NSL1: variants seen among roughly 807,000 people sequenced by gnomAD.
NSL1 encodes the protein NSL1 component of MIS12 kinetochore complex.
Under a neutral mutation model 25.4 loss-of-function variants are expected in NSL1, and 11 were observed. The observed-to-expected ratio is 0.43, with a 90% confidence interval of 0.27 to 0.72. The LOEUF (loss-of-function observed/expected upper bound fraction) is 0.72, where lower values mean the gene tolerates loss of function less well. Among genes scored for constraint, NSL1 ranks in the 30% least tolerant of loss-of-function variants. The pLI is 0.19. For missense variants in NSL1, 330 were observed against 342.7 expected (o/e 0.96, Z 0.29); for synonymous variants, 118 against 120.6 (o/e 0.98, Z 0.14).
At chr1:212,789,573 T>C (rs1018663072) in intron 1 of NSL1, among the ~76,000 whole-genome samples, 1 of 152,250 alleles carries the variant, frequency 6.6e-6, no homozygotes, top group Non-Finnish European at 1.5e-5. Context: ...AAACATATTG[T>C]CTTTGTAACA....
intron 2 of NSL1, among the ~76,000 whole-genome samples, chr1:212,786,773 A>G (rs745721044): frequency 6.6e-5 from 10 of 152,150 alleles, no homozygotes; most frequent in Non-Finnish European, 1.3e-4. Flanking sequence ...GCGCCACTGC[A>G]CTCCAGCCTA....
chr1:212,782,253 G>C, intron 4 of NSL1, 119 bp downstream of exon 4: 1 of 756,386 alleles, frequency 1.3e-6, no homozygotes, highest in South Asian at 1.5e-5. Context: ...ATGACTGGTA[G>C]GAAGTTAAAG....
rs1657939546 is a variant in NSL1, at chr1:212,729,862, T to A, written c.*8546A>T. 1 of 985,210 alleles carries A rather than the reference T, an allele frequency of 1.0e-6. No individual in the cohort carries two copies. The allele number at this position is 985,210 out of a possible 1,614,324, so 61.0% of individuals were successfully genotyped here. On this transcript the variant is annotated 3_prime_UTR_variant, in exon 6 of 6. Coordinates refer to ENST00000366977, the MANE Select transcript of NSL1 (RefSeq NM_015471.4). The stretch of plus-strand genomic sequence containing the variant: ...GGCAGTGATGTGTGGACGAAGGGGT[T>A]GCTGGGGTGACCCAGGCAGCAAGGA...
rs1657819618 is a variant in NSL1, at chr1:212,727,074, T to C, written c.*11334A>G. ...GAGGGCGGGCTCTGGGTCACCCAGC[T>C]TCATCCTCTTCATCTTGCCAGTTCA... is the stretch of plus-strand genomic sequence containing the variant. On this transcript the variant is annotated 3_prime_UTR_variant, in exon 6 of 6. Transcript: ENST00000366977. 5.4e-6 allele frequency: 8 copies of C among 1,477,006 alleles called. No individual in the cohort carries two copies. Among genetic ancestry groups the C allele is most frequent in the Non-Finnish European group, 7.2e-6 (8 of 1,111,428 alleles). 91.5% of individuals were successfully genotyped at this position (1,477,006 alleles called of 1,614,324 possible). A position where few individuals can be genotyped will look rare whatever the true frequency, so the allele number is the denominator to read the frequency against.
chr1:212,791,048 G>A (rs918977588), intron 1 of NSL1, among the ~76,000 whole-genome samples: 2 of 152,168 alleles, frequency 1.3e-5, no homozygotes, highest in African/African-American at 4.8e-5. Flanking sequence ...ATTGTCTGCG[G>A]CTGCATTGTC....
intron 4 of NSL1, among the ~76,000 whole-genome samples, chr1:212,781,107 A>T (rs894260924): frequency 3.9e-5 from 6 of 152,218 alleles, no homozygotes; most frequent in Admixed American, 2.6e-4. Flanking sequence ...TGCATAATGA[A>T]AAAACTCAAA....
Position 212,738,333 on chromosome 1 carries a change from A to T in NSL1, c.*75T>A. The T allele has an allele frequency of 6.5e-7, 1 of 1,528,800 alleles. No homozygotes were observed. The highest frequency in any genetic ancestry group is 8.7e-7 in the Non-Finnish European group (1 of 1,144,648). The allele number at this position is 1,528,800 out of a possible 1,614,324, so 94.7% of individuals were successfully genotyped here. On this transcript the variant is annotated 3_prime_UTR_variant, in exon 6 of 6. Transcript: ENST00000366977. ...TATTTCTTATTTCAAATGAAGTCTTATCTAGGTATTAATTAGGCTGTAATC... is the reference window on the plus strand; with the variant it reads ...TATTTCTTATTTCAAATGAAGTCTTTTCTAGGTATTAATTAGGCTGTAATC...
chr1:212,773,851 C>T lies in NSL1; in HGVS notation c.499+8521G>A, dbSNP rs553407360. Reference sequence around the variant, plus strand: ...TGTATATACACAATGGAATACTATTCCATCATAAAAAAGAAAATCCGGTCA... The same window carrying T: ...TGTATATACACAATGGAATACTATTTCATCATAAAAAAGAAAATCCGGTCA... On this transcript the variant is annotated intron_variant, in intron 4 of 5. Coordinates refer to ENST00000366977, the MANE Select transcript of NSL1 (RefSeq NM_015471.4). Among the ~76,000 whole-genome samples the T allele has an allele frequency of 6.6e-5, 10 of 151,966 alleles. No individual in the cohort carries two copies. The South Asian group carries it at 1.5e-3, about 22-fold the overall frequency.
At chr1:212,787,972 A>G (rs1198061793) in intron 1 of NSL1, among the ~76,000 whole-genome samples, 2 of 152,248 alleles carry the variant, frequency 1.3e-5, no homozygotes, top group Non-Finnish European at 2.9e-5. Context: ...TATAAGTACT[A>G]TATATGCTGC....
chr1:212,781,138 C>G (rs1042936147), intron 4 of NSL1, among the ~76,000 whole-genome samples: 5 of 152,158 alleles, frequency 3.3e-5, no homozygotes, highest in African/African-American at 7.2e-5. Context: ...AAGACAGATT[C>G]TAATTCTTTT....
Position 212,776,164 on chromosome 1 carries a change from G to C in NSL1, c.499+6208C>G, listed in dbSNP as rs1205952246. On this transcript the variant is annotated intron_variant, in intron 4 of 5. Transcript: ENST00000366977. The stretch of plus-strand genomic sequence containing the variant: ...AGGAAAATTGAGGTCAGGAGTTCAA[G>C]ACCAGCCTGACCAACATGGTGAATC... 4.6e-5 allele frequency among the ~76,000 whole-genome samples: 7 copies of C among 152,220 alleles called. No homozygotes were observed. The East Asian group carries it at 1.4e-3, about 29-fold the overall frequency.
Position 212,728,129 on chromosome 1 carries a change from C to T in NSL1, c.*10279G>A. On this transcript the variant is annotated 3_prime_UTR_variant, in exon 6 of 6. Coordinates refer to ENST00000366977, the MANE Select transcript of NSL1 (RefSeq NM_015471.4). ...ATGGGCGTGGTAATAGCCCTTAATTCATGGATTGTCTTGAGGATTAAAAGA... is the reference window on the plus strand; with the variant it reads ...ATGGGCGTGGTAATAGCCCTTAATTTATGGATTGTCTTGAGGATTAAAAGA... 2 of 964,096 alleles carry T rather than the reference C, an allele frequency of 2.1e-6. No homozygotes were observed. The highest frequency in any genetic ancestry group is 2.5e-6 in the Non-Finnish European group (2 of 810,648). 59.7% of individuals were successfully genotyped at this position (964,096 alleles called of 1,614,324 possible).
chr1:212,743,730 A>T (rs1383463783), intron 4 of NSL1, among the ~76,000 whole-genome samples: 1 of 152,156 alleles, frequency 6.6e-6, no homozygotes, highest in East Asian at 1.9e-4. Context: ...AAAATCTGGA[A>T]AACAGTCAAG....
In NSL1 at chr1:212,787,570, T is replaced by C. The variant is rs1270246141; in HGVS notation, c.302A>G (p.Asn101Ser). 1 of 1,602,956 alleles carries C rather than the reference T, an allele frequency of 6.2e-7. No homozygotes were observed. The highest frequency in any genetic ancestry group is 1.1e-5 in the South Asian group (1 of 88,538). Residue 101 changes from asparagine (N) to serine (S), a missense_variant, in exon 2 of 6, where the codon AAT (asparagine) becomes AGT (serine). Asn to Ser is a conservative substitution (Grantham distance 46). Coordinates refer to ENST00000366977, the MANE Select transcript of NSL1 (RefSeq NM_015471.4). ...NGQAWQEASD[N>S]CFMDSDIKVL... is the part of the protein sequence containing the mutation. ...AAAAAGTCACATACCCATAAAACAA[T>C]TATCTGAAGCTTCCTGCCATGCTTG...
rs1659527336 is a variant in NSL1, at chr1:212,760,752, G to C, written c.500-21151C>G. ...GCCTGCCCATCCCATTGCTGTCACT[G>C]CTGGTACCTGAGCAAGCCACCTGGA... On this transcript the variant is annotated intron_variant, in intron 4 of 5. Transcript: ENST00000366977. This position sits in a 1 kb window ranked among gnomAD's most constrained non-coding sequence, Gnocchi z 4.3. 6.6e-6 allele frequency among the ~76,000 whole-genome samples: 1 copy of C among 152,104 alleles called. No homozygotes were observed. The highest frequency in any genetic ancestry group is 6.5e-5 in the Admixed American group (1 of 15,280).
intron 4 of NSL1, among the ~76,000 whole-genome samples, chr1:212,744,296 G>A (rs1235899053): frequency 1.3e-5 from 2 of 152,194 alleles, no homozygotes; most frequent in African/African-American, 4.8e-5. Flanking sequence ...GGAGACTTCA[G>A]TGACTACAAA....
In NSL1 at chr1:212,736,957, G is replaced by A; in HGVS notation, c.*1451C>T. ...AGAATTAACAATAACTCTTTTGTTT[G>A]GGGACCTCTGAAGTGAAACAAATCA... is the stretch of plus-strand genomic sequence containing the variant. On this transcript the variant is annotated 3_prime_UTR_variant, in exon 6 of 6. Transcript: ENST00000366977. 2.0e-6 allele frequency: 2 copies of A among 984,060 alleles called. No homozygotes were observed. The highest frequency in any genetic ancestry group is 5.2e-4 in the Middle Eastern group (1 of 1,906). The allele number at this position is 984,060 out of a possible 1,614,324, so 61.0% of individuals were successfully genotyped here.
chr1:212,762,306 C>CAAAAGAAAA (rs1659609927), intron 4 of NSL1, among the ~76,000 whole-genome samples: 1 of 114,640 alleles, frequency 8.7e-6, no homozygotes, highest in Non-Finnish European at 1.7e-5. Flanking sequence ...TTAAAAGAAA[C>CAAAAGAAAA]AAAAAAAAAA....
chr1:212,726,215 A>T lies in NSL1; in HGVS notation c.*12193T>A, dbSNP rs1657778565. The T allele has an allele frequency of 6.8e-6, 1 of 146,638 alleles. No homozygotes were observed. The highest frequency in any genetic ancestry group is 2.8e-5 in the African/African-American group (1 of 36,106). 9.1% of individuals were successfully genotyped at this position (146,638 alleles called of 1,614,324 possible). A position where few individuals can be genotyped will look rare whatever the true frequency, so the allele number is the denominator to read the frequency against. On this transcript the variant is annotated 3_prime_UTR_variant, in exon 6 of 6. Coordinates refer to ENST00000366977, the MANE Select transcript of NSL1 (RefSeq NM_015471.4). ...ATGCAGCCTCTCACATCAGTGGGGGAAAAGAGGTACTATTCAATAAATGGT... is the reference window on the plus strand; with the variant it reads ...ATGCAGCCTCTCACATCAGTGGGGGTAAAGAGGTACTATTCAATAAATGGT...
Sources: allele counts gnomAD v4.1 joint callset (sites outside exome capture counted in the v4.1 genomes callset), GRCh38; gene constraint gnomAD v4.1.1; non-coding constraint Gnocchi (gnomAD v3.1); transcripts MANE v1.5; gene names NCBI Gene and HGNC (gene_info 2026-07-23, HGNC 2026-07-21).